The following ABL1 variants were observed in gnomAD, a reference collection of about 807,000 sequenced individuals.
The protein encoded by ABL1 is tyrosine-protein kinase ABL1.
A neutral mutation model predicts 94.7 loss-of-function variants in ABL1; 11 were observed. The observed-to-expected ratio is 0.12, with a 90% confidence interval of 0.07 to 0.19. The LOEUF is 0.19. Among genes scored for constraint, ABL1 ranks in the 10% least tolerant of loss-of-function variants. ABL1 has a pLI of 1.00. For synonymous variants in ABL1, 656 were observed against 622.4 expected (o/e 1.05, Z -0.80); for missense variants, 1,082 against 1,489.4 (o/e 0.73, Z 4.50).
intron 1 of ABL1, among the ~76,000 whole-genome samples, chr9:130,845,056 A>G (rs1042352852): frequency 6.6e-6 from 1 of 152,202 alleles, no homozygotes; most frequent in Non-Finnish European, 1.5e-5. Context: ...GCATTCTCAC[A>G]GGAAGAGCCT....
chr9:130,763,803 G>A (rs537339450), intron 1 of ABL1, among the ~76,000 whole-genome samples: 2 of 152,242 alleles, frequency 1.3e-5, no homozygotes, highest in Admixed American at 6.5e-5. Context: ...TATCCTGTTG[G>A]TTCCCCAGTC....
chr9:130,875,088 G>C, intron 7 of ABL1, 36 bp downstream of exon 7: 1 of 1,578,242 alleles, frequency 6.3e-7, no homozygotes, highest in East Asian at 2.3e-5. Flanking sequence ...GGTCCTTCCT[G>C]ACTACAGGAG....
At position 130,887,510 on chromosome 9, in the gene ABL1, G is replaced by A. The variant is rs1021706697; in HGVS notation, c.*1827G>A. 7 of 233,098 alleles carry A rather than the reference G, an allele frequency of 3.0e-5. No individual in the cohort carries two copies. The highest frequency in any genetic ancestry group is 5.1e-5 in the Non-Finnish European group (6 of 117,928). The allele number at this position is 233,098 out of a possible 1,614,324, so 14.4% of individuals were successfully genotyped here. On this transcript the variant is annotated 3_prime_UTR_variant, in exon 11 of 11. Coordinates refer to ENST00000318560, the MANE Select transcript of ABL1 (RefSeq NM_005157.6). Reference sequence around the variant, plus strand: ...TTATAGACGCTCTTTTCTAAGTGGCGTGTGCATAGCGTCCTGCCCTGCCCC... The same window carrying A: ...TTATAGACGCTCTTTTCTAAGTGGCATGTGCATAGCGTCCTGCCCTGCCCC...
chr9:130,749,284 A>G (rs1035069158), intron 1 of ABL1, among the ~76,000 whole-genome samples: 3 of 152,338 alleles, frequency 2.0e-5, no homozygotes, highest in Non-Finnish European at 4.4e-5. Flanking sequence ...CAGAAAGGCA[A>G]TGCAGAGTAG....
At chr9:130,812,200 C>CAAAAAAAAAAAA (rs35352789) in intron 1 of ABL1, among the ~76,000 whole-genome samples, 17 of 48,764 alleles carry the variant, frequency 3.5e-4, no homozygotes, top group African/African-American at 8.8e-4. Flanking sequence ...TCCATCTCTA[C>CAAAAAAAAAAAA]AAAAAAAAAA....
intron 3 of ABL1, among the ~76,000 whole-genome samples, chr9:130,859,518 A>G (rs1831030108): frequency 6.7e-6 from 1 of 149,642 alleles, no homozygotes; most frequent in Non-Finnish European, 1.5e-5. Context: ...GTGTGTGAGC[A>G]GCTCTCGGGG....
chr9:130,790,756 G>A (rs949744998), intron 1 of ABL1, among the ~76,000 whole-genome samples: 8 of 151,862 alleles, frequency 5.3e-5, no homozygotes, highest in Non-Finnish European at 1.2e-4. Context: ...TTACAAGCAT[G>A]AGCCACTGTG....
intron 1 of ABL1, among the ~76,000 whole-genome samples, chr9:130,788,888 G>A (rs559974646): frequency 8.9e-4 from 136 of 152,258 alleles, no homozygotes; most frequent in Admixed American, 2.9e-3. Context: ...TCTGCCTGTC[G>A]TTAATGATAT....
At chr9:130,841,534 G>C (rs1032033668) in intron 1 of ABL1, among the ~76,000 whole-genome samples, 1 of 152,046 alleles carries the variant, frequency 6.6e-6, no homozygotes, top group Non-Finnish European at 1.5e-5. Flanking sequence ...TTTTCAGGCC[G>C]GGCGCGGTGG....
intron 1 of ABL1, among the ~76,000 whole-genome samples, chr9:130,726,162 TA>T (rs1474074798): frequency 6.7e-6 from 1 of 149,672 alleles, no homozygotes; most frequent in African/African-American, 2.5e-5. Flanking sequence ...GATATTTTAA[TA>T]TTTTTTTTAA....
At chr9:130,749,565 T>C (rs1307796820) in intron 1 of ABL1, among the ~76,000 whole-genome samples, 1 of 152,178 alleles carries the variant, frequency 6.6e-6, no homozygotes, top group African/African-American at 2.4e-5. Context: ...TGTTTACAAA[T>C]ATTTGCTTCT....
chr9:130,837,938 A>G (rs927876771), intron 1 of ABL1, among the ~76,000 whole-genome samples: 1 of 152,206 alleles, frequency 6.6e-6, no homozygotes, highest in Non-Finnish European at 1.5e-5. Flanking sequence ...TCATTGTTCT[A>G]TCAAAGAAGC....
chr9:130,716,114 T>A (rs1831436575), intron 1 of ABL1, among the ~76,000 whole-genome samples: 1 of 130,136 alleles, frequency 7.7e-6, no homozygotes, highest in African/African-American at 2.8e-5. Context: ...TGAGTCAGAG[T>A]CTCTGTGTGT....
At position 130,735,934 on chromosome 9, in the gene ABL1, C is replaced by CATATAT. The variant is rs71389344; in HGVS notation, c.136+21502_136+21507dup. Among the ~76,000 whole-genome samples, 269 of 80,178 alleles carry CATATAT rather than the reference C, an allele frequency of 3.4e-3. 7 individuals carry two copies. The highest frequency in any genetic ancestry group is 4.4e-3 in the African/African-American group (80 of 18,256). The allele number at this position is 80,178 out of a possible 152,430, so 52.6% of individuals were successfully genotyped here. ...ATATGTGTGTGTATGCATGTGTGTG[C>CATATAT]ATATATATATATATATATATATATA... On this transcript the variant is annotated intron_variant, in intron 1 of 10. Coordinates refer to the ABL1 transcript ENST00000372348.
In ABL1 at chr9:130,788,605, A is replaced by G. The variant is rs139547388; in HGVS notation, c.137-65459A>G. ...CCTTGGGTGTAGGATCCAGTCCTGG[A>G]TCATGGATTGCATTAATTTGTCATG... On this transcript the variant is annotated intron_variant, in intron 1 of 10. Coordinates refer to the ABL1 transcript ENST00000372348. 1.8e-3 allele frequency among the ~76,000 whole-genome samples: 272 copies of G among 152,294 alleles called. 2 individuals are homozygous for G. The highest frequency in any genetic ancestry group is 6.1e-3 in the African/African-American group (255 of 41,548).
chr9:130,878,458 C>T lies in ABL1; in HGVS notation c.1314C>T (p.Ser438=), dbSNP rs1271993326. ...LLWEIATYGM[S]PYPGIDLSQV... is the part of the protein sequence containing the mutation. ...GGGAAATTGCTACCTATGGCATGTC[C>T]CCTTACCCGGGAATTGACCTGTCCC... The change falls in exon 8 of 11, where the codon TCC becomes TCT. Residue 438 remains serine, a synonymous_variant. Coordinates refer to ENST00000318560, the MANE Select transcript of ABL1 (RefSeq NM_005157.6). 5 of 1,614,078 alleles carry T rather than the reference C, an allele frequency of 3.1e-6. No individual in the cohort carries two copies. The highest frequency in any genetic ancestry group is 2.2e-5 in the South Asian group (2 of 91,088).
chr9:130,751,704 C>T (rs1274368633), intron 1 of ABL1, among the ~76,000 whole-genome samples: 1 of 152,288 alleles, frequency 6.6e-6, no homozygotes, highest in East Asian at 1.9e-4. Context: ...TGATATCCTG[C>T]ACTCTGCTCC....
chr9:130,742,069 C>T (rs768781535), intron 1 of ABL1, among the ~76,000 whole-genome samples: 20 of 152,092 alleles, frequency 1.3e-4, no homozygotes, highest in Non-Finnish European at 2.4e-4. Context: ...GCTCCACAGA[C>T]CTAGTCCTTT....
At chr9:130,833,419 A>G (rs1830517268), upstream of ABL1, among the ~76,000 whole-genome samples, 1 of 152,212 alleles carries the variant, frequency 6.6e-6, no homozygotes, top group African/African-American at 2.4e-5. Flanking sequence ...AGAGGTTGAC[A>G]GATTCAAGAC....
Sources: gnomAD v4.1 joint callset for allele counts (sites outside exome capture counted in the v4.1 genomes callset) on GRCh38, gnomAD v4.1.1 for gene constraint, MANE v1.5 for transcripts, NCBI Gene and HGNC (gene_info 2026-07-23, HGNC 2026-07-21) for gene names.